Variants in TOX observed in about 807,000 individuals in gnomAD.
TOX encodes the protein thymocyte selection-associated high mobility group box protein TOX.
TOX carries 11 observed loss-of-function variants against 53.7 expected under a neutral mutation model. The observed-to-expected ratio is 0.20, with a 90% confidence interval of 0.13 to 0.34. The LOEUF (loss-of-function observed/expected upper bound fraction) is 0.34, where lower values mean the gene tolerates loss of function less well. Ranked by LOEUF, TOX falls within the 10% of genes least tolerant of loss-of-function variation. The probability of loss-of-function intolerance (pLI) is 1.00; values close to 1 mark genes in which losing one functional copy is unlikely to be tolerated. For missense variants in TOX, 570 were observed against 664.6 expected, an observed-to-expected ratio of 0.86 and a Z score of 1.56; for synonymous variants, 225 against 245.3, an observed-to-expected ratio of 0.92 and a Z score of 0.77.
intron 1 of TOX, among the ~76,000 whole-genome samples, chr8:59,113,774 G>A (rs191912592): frequency 8.7e-4 from 133 of 152,180 alleles, no homozygotes; most frequent in African/African-American, 2.9e-3. Context: ...GGTAAGAGGC[G>A]CTGGGCATAC....
chr8:58,883,983 C>T (rs183079822), intron 3 of TOX, among the ~76,000 whole-genome samples: 2 of 152,204 alleles, frequency 1.3e-5, no homozygotes, highest in African/African-American at 4.8e-5. Context: ...TTAAAAGCCT[C>T]ACAGGTCAAA....
chr8:58,879,880 G>A (rs892518978), intron 3 of TOX, among the ~76,000 whole-genome samples: 6 of 152,078 alleles, frequency 3.9e-5, no homozygotes, highest in Non-Finnish European at 8.8e-5. Flanking sequence ...CCACCCACAT[G>A]TAATATGTCC....
intron 1 of TOX, among the ~76,000 whole-genome samples, chr8:59,003,405 C>T (rs146837153): frequency 1.6e-3 from 241 of 152,316 alleles, no homozygotes; most frequent in African/African-American, 5.5e-3. Context: ...TCACCTGATC[C>T]TGGCCTATTC....
chr8:58,818,948 A>G (rs1405710724), intron 6 of TOX, among the ~76,000 whole-genome samples: 1 of 152,128 alleles, frequency 6.6e-6, no homozygotes, highest in Non-Finnish European at 1.5e-5. Context: ...GTAATGGTCC[A>G]CTCATTTAGA....
intron 1 of TOX, among the ~76,000 whole-genome samples, chr8:59,013,804 T>A (rs1270318029): frequency 6.6e-6 from 1 of 152,268 alleles, no homozygotes; most frequent in Non-Finnish European, 1.5e-5. Flanking sequence ...GAAACACTTT[T>A]ATTTAATTCA....
chr8:59,038,595 G>A (rs1293929310), intron 1 of TOX, among the ~76,000 whole-genome samples: 3 of 152,074 alleles, frequency 2.0e-5, no homozygotes, highest in Non-Finnish European at 2.9e-5. Flanking sequence ...GTCCTTAAAA[G>A]TTCAGGTTCT....
chr8:58,895,526 T>C (rs565718584), intron 3 of TOX, among the ~76,000 whole-genome samples: 85 of 152,342 alleles, frequency 5.6e-4, no homozygotes, highest in Non-Finnish European at 7.9e-4. Context: ...TATAGTATGC[T>C]AGTGATTCAG....
chr8:58,975,094 C>T (rs1968738), intron 1 of TOX, among the ~76,000 whole-genome samples: 109,991 of 151,606 alleles, frequency 0.73, 40,511 homozygotes, highest in South Asian at 0.83. Context: ...TAAAGTTGTA[C>T]ATATACACAC....
chr8:59,041,414 A>C (rs934714247), intron 1 of TOX, among the ~76,000 whole-genome samples: 5 of 152,110 alleles, frequency 3.3e-5, no homozygotes, highest in African/African-American at 1.2e-4. Flanking sequence ...TTTCCCCTTC[A>C]AAATGTGTAC....
At chr8:59,113,745 A>T (rs1310755712) in intron 1 of TOX, among the ~76,000 whole-genome samples, 1 of 152,024 alleles carries the variant, frequency 6.6e-6, no homozygotes, top group Non-Finnish European at 1.5e-5. Context: ...GTAACTGGGA[A>T]GGAGATGGAG....
At chr8:59,036,703 AT>A (rs780247051) in intron 1 of TOX, among the ~76,000 whole-genome samples, 39 of 152,214 alleles carry the variant, frequency 2.6e-4, no homozygotes, top group Non-Finnish European at 5.7e-4. Flanking sequence ...GTGTTTATAG[AT>A]GAAATTGTTT....
rs576317796 is a variant in TOX at position 59,042,309 on chromosome 8, T to C, written c.102+76577A>G. Among the ~76,000 whole-genome samples the C allele has an allele frequency of 4.6e-5, 7 of 152,310 alleles. 1 individual carries two copies. The South Asian group carries it at 1.4e-3, about 32-fold the overall frequency. ...CATCTACATTAATATCCTTCAAATA[T>C]GACTACTTAATACTGAAGTCAGAAC... On this transcript the variant is annotated intron_variant, in intron 1 of 8. Coordinates refer to ENST00000361421, the MANE Select transcript of TOX (RefSeq NM_014729.3).
At chr8:58,821,703 C>T (rs772232295) in intron 6 of TOX, among the ~76,000 whole-genome samples, 7 of 152,120 alleles carry the variant, frequency 4.6e-5, no homozygotes, top group African/African-American at 7.2e-5. Context: ...CAGTACATGT[C>T]TTTCTGTGAC....
chr8:59,030,712 T>C (rs1814339245), intron 1 of TOX, among the ~76,000 whole-genome samples: 1 of 152,190 alleles, frequency 6.6e-6, no homozygotes, highest in African/African-American at 2.4e-5. Flanking sequence ...TTCAACATGT[T>C]CCAACGGTAA....
intron 1 of TOX, among the ~76,000 whole-genome samples, chr8:59,081,036 T>A (rs776062622): frequency 2.0e-5 from 3 of 152,122 alleles, no homozygotes; most frequent in Non-Finnish European, 4.4e-5. Context: ...GTTGTTTTGT[T>A]TTGTTTTGAA....
chr8:58,813,431 C>T (rs573503476), intron 7 of TOX, among the ~76,000 whole-genome samples: 29 of 152,282 alleles, frequency 1.9e-4, no homozygotes, highest in African/African-American at 6.3e-4. Flanking sequence ...AAACATGGGT[C>T]CTTAGCTAGG....
chr8:58,810,157 A>C (rs572466623), intron 7 of TOX, among the ~76,000 whole-genome samples: 32 of 151,518 alleles, frequency 2.1e-4, no homozygotes, highest in African/African-American at 7.3e-4. Context: ...GGCTAATTTA[A>C]ATTTATTTAT....
intron 1 of TOX, among the ~76,000 whole-genome samples, chr8:58,987,748 T>C (rs1231251055): frequency 6.6e-6 from 1 of 152,148 alleles, no homozygotes; most frequent in East Asian, 1.9e-4. Context: ...CTTAGTAAGT[T>C]TCTTTAACCA....
chr8:58,991,911 G>A (rs887785840), intron 1 of TOX: 4 of 152,246 alleles, frequency 2.6e-5, no homozygotes, highest in African/African-American at 7.2e-5. Flanking sequence ...AATCTCCCCT[G>A]GCTGTCAGGC....
Sources: allele counts gnomAD v4.1 joint callset (sites outside exome capture counted in the v4.1 genomes callset), GRCh38; gene constraint gnomAD v4.1.1; transcripts MANE v1.5; gene names NCBI Gene and HGNC (gene_info 2026-07-23, HGNC 2026-07-21).